Variants in GDPD5 observed in about 807,000 individuals in gnomAD.
GDPD5 encodes glycerophosphodiester phosphodiesterase domain containing 5.
Under a neutral mutation model 75.1 loss-of-function variants are expected in GDPD5, and 48 were observed. The ratio of observed to expected loss-of-function variants is 0.64; its 90% CI spans 0.51 to 0.81. The LOEUF (loss-of-function observed/expected upper bound fraction) is 0.81. Ranked by LOEUF, GDPD5 falls within the 40% of genes least tolerant of loss-of-function variation. The pLI, the probability that GDPD5 is intolerant of heterozygous loss-of-function variation, is 0.00. For synonymous variants in GDPD5, 336 were observed against 339.0 expected (o/e 0.99, Z 0.10); for missense variants, 706 against 822.6 (o/e 0.86, Z 1.73).
chr11:75,492,372 C>G (rs865855997), intron 1 of GDPD5: 10 of 152,270 alleles, frequency 6.6e-5, no homozygotes, highest in African/African-American at 2.4e-4. Context: ...CCAATGGGAG[C>G]CTGTGAGTCA....
chr11:75,504,810 A>C (rs1489072474), intron 1 of GDPD5, among the ~76,000 whole-genome samples: 3 of 152,144 alleles, frequency 2.0e-5, no homozygotes, highest in African/African-American at 7.2e-5. Flanking sequence ...ATGTTTGTTA[A>C]CTTAAATAAT....
chr11:75,463,159 C>T (rs531719179), intron 3 of GDPD5, among the ~76,000 whole-genome samples: 1 of 152,214 alleles, frequency 6.6e-6, no homozygotes, highest in Non-Finnish European at 1.5e-5. Context: ...TGGTCTGCAG[C>T]CTTTCCATCG....
At chr11:75,470,296 C>T (rs1434872414) in intron 3 of GDPD5, among the ~76,000 whole-genome samples, 2 of 152,280 alleles carry the variant, frequency 1.3e-5, no homozygotes, top group African/African-American at 2.4e-5. Flanking sequence ...AATTAGCCTT[C>T]GTACACACTG....
chr11:75,435,699 AGTC>A (rs1278236857), intron 16 of GDPD5, 44 bp from the exon 17 acceptor site: 6 of 1,556,232 alleles, frequency 3.9e-6, no homozygotes, highest in African/African-American at 1.4e-5. Flanking sequence ...GGGAGGAGGC[AGTC>A]GTGAGGATGG....
At chr11:75,467,208 G>A (rs1246517966) in intron 3 of GDPD5, among the ~76,000 whole-genome samples, 2 of 152,208 alleles carry the variant, frequency 1.3e-5, no homozygotes, top group South Asian at 2.1e-4. Context: ...CACTCAGCAC[G>A]TCACTTGGCC....
At position 75,482,630 on chromosome 11, in the gene GDPD5, C is replaced by T. The variant is rs561342002; in HGVS notation, c.-60-4835G>A. On this transcript the variant is annotated intron_variant, in intron 2 of 16. Transcript: ENST00000336898. ...CCCATCCCTCCAATCCAAACTCTTA[C>T]CTGCAGCTGGACTGAACTTCCTAAC... Among the ~76,000 whole-genome samples, 16 of 152,334 alleles carry T rather than the reference C, an allele frequency of 1.1e-4. No homozygotes were observed. The South Asian group carries it at 3.3e-3, about 32-fold the overall frequency.
intron 9 of GDPD5, among the ~76,000 whole-genome samples, chr11:75,446,841 C>A (rs936434183): frequency 5.9e-5 from 9 of 152,088 alleles, no homozygotes; most frequent in African/African-American, 1.9e-4. Context: ...CAAATGACTC[C>A]ATTTCTCAGG....
At chr11:75,479,091 T>G (rs1246338862) in intron 2 of GDPD5, among the ~76,000 whole-genome samples, 2 of 152,206 alleles carry the variant, frequency 1.3e-5, no homozygotes, top group Non-Finnish European at 2.9e-5. Flanking sequence ...CCTGGAGATA[T>G]CTGTGGGAGC....
At chr11:75,465,337 G>A (rs1015778774) in intron 3 of GDPD5, among the ~76,000 whole-genome samples, 1 of 152,132 alleles carries the variant, frequency 6.6e-6, no homozygotes, top group Admixed American at 6.5e-5. Context: ...GCTCCATGAG[G>A]CAAACTACTC....
intron 15 of GDPD5, chr11:75,437,375 A>G (rs762795183): frequency 6.4e-6 from 2 of 314,940 alleles, no homozygotes; most frequent in Middle Eastern, 1.9e-3. Flanking sequence ...ATTTGGGAGC[A>G]GGAGGAGCTT....
At chr11:75,523,033 C>T (rs1321489330) in intron 1 of GDPD5, among the ~76,000 whole-genome samples, 1 of 152,150 alleles carries the variant, frequency 6.6e-6, no homozygotes, top group Non-Finnish European at 1.5e-5. Context: ...CCATATCCTG[C>T]GTTCTAATCG....
chr11:75,441,549 T>TGG, intron 13 of GDPD5, 97 bp downstream of exon 13: 1 of 982,360 alleles, frequency 1.0e-6, no homozygotes, highest in Non-Finnish European at 1.4e-6. Flanking sequence ...CGACCGTGTG[T>TGG]GTGTGTGTGT....
Position 75,477,624 on chromosome 11 carries a change from T to G in GDPD5, c.112A>C (p.Thr38Pro). ...CCTGTTCCAGGGTGGCTCACCGGTGTGGTATCATCATGGGAGCGCTGGTAG... is the reference window on the plus strand; with the variant it reads ...CCTGTTCCAGGGTGGCTCACCGGTGGGGTATCATCATGGGAGCGCTGGTAG... ...KRYQRSHDDT[T>P]PWERLWFLLL... The change falls in exon 3 of 17, where the codon ACA (threonine) becomes CCA (proline). Residue 38 changes from threonine (T) to proline (P), a missense_variant. Physicochemically the swap from Thr to Pro is conservative, Grantham distance 38. Coordinates refer to ENST00000336898, the MANE Select transcript of GDPD5 (RefSeq NM_030792.8). 6.3e-7 allele frequency: 1 copy of G among 1,576,812 alleles called. No homozygotes were observed.
intron 4 of GDPD5, among the ~76,000 whole-genome samples, chr11:75,461,922 T>C (rs1329948432): frequency 1.3e-5 from 2 of 152,150 alleles, no homozygotes; most frequent in African/African-American, 4.8e-5. Flanking sequence ...ACCTCTCCAC[T>C]GCTTAGCAAA....
intron 1 of GDPD5, among the ~76,000 whole-genome samples, chr11:75,500,720 C>T (rs1045746071): frequency 6.6e-6 from 1 of 152,174 alleles, no homozygotes; most frequent in Non-Finnish European, 1.5e-5. Context: ...AATGGGAACT[C>T]CTCTTCCTTT....
intron 1 of GDPD5, among the ~76,000 whole-genome samples, chr11:75,495,182 G>A (rs757149175): frequency 2.6e-5 from 4 of 151,798 alleles, no homozygotes; most frequent in East Asian, 1.9e-4. Flanking sequence ...CAGGAGAGTC[G>A]CTTGAACCCG....
intron 1 of GDPD5, among the ~76,000 whole-genome samples, chr11:75,498,979 T>C (rs1950258682): frequency 1.3e-5 from 2 of 152,154 alleles, no homozygotes; most frequent in African/African-American, 4.8e-5. Context: ...TGGCTGGAAA[T>C]AGCCTCTTGC....
At position 75,435,476 on chromosome 11, in the gene GDPD5, T is replaced by A. The variant is rs1453675958; in HGVS notation, c.*31A>T. 8.4e-6 allele frequency: 13 copies of A among 1,542,834 alleles called. No individual in the cohort carries two copies. Among genetic ancestry groups the A allele is most frequent in the Non-Finnish European group, 1.1e-5 (13 of 1,142,880 alleles). On this transcript the variant is annotated 3_prime_UTR_variant, in exon 17 of 17. Coordinates refer to ENST00000336898, the MANE Select transcript of GDPD5 (RefSeq NM_030792.8). The stretch of plus-strand genomic sequence containing the variant: ...TCTCCTAGGCTCCCCAGCTTCTGTG[T>A]CAGGTACAGGTGGGACAGACATGTC...
chr11:75,464,435 C>A (rs1265500718), intron 3 of GDPD5, among the ~76,000 whole-genome samples: 1 of 152,178 alleles, frequency 6.6e-6, no homozygotes, highest in African/African-American at 2.4e-5. Flanking sequence ...AAGGCCTTCA[C>A]ACCCTAATGG....
Sources: allele counts gnomAD v4.1 joint callset (sites outside exome capture counted in the v4.1 genomes callset), GRCh38; gene constraint gnomAD v4.1.1; transcripts MANE v1.5; gene names NCBI Gene and HGNC (gene_info 2026-07-23, HGNC 2026-07-21).